The following PRKCH variants were observed in gnomAD, a reference collection of about 807,000 sequenced individuals.
The protein encoded by PRKCH is protein kinase C eta type.
Under a neutral mutation model 82.5 loss-of-function variants are expected in PRKCH, and 28 were observed. The ratio of observed to expected loss-of-function variants is 0.34; its 90% CI spans 0.25 to 0.47. The LOEUF is 0.47. Among genes scored for constraint, PRKCH ranks in the 20% least tolerant of loss-of-function variants. The pLI is 1.00. For synonymous variants in PRKCH, 322 were observed against 327.4 expected, an observed-to-expected ratio of 0.98 and a Z score of 0.18; for missense variants, 705 against 881.8, an observed-to-expected ratio of 0.80 and a Z score of 2.54.
chr14:61,536,041 C>T (rs186780381), intron 12 of PRKCH, among the ~76,000 whole-genome samples: 5 of 152,260 alleles, frequency 3.3e-5, no homozygotes, highest in African/African-American at 1.2e-4. Flanking sequence ...TCCATCTTCA[C>T]AAATGAAGGG....
At chr14:61,536,742 C>G (rs1218159216) in intron 12 of PRKCH, among the ~76,000 whole-genome samples, 1 of 152,096 alleles carries the variant, frequency 6.6e-6, no homozygotes, top group Non-Finnish European at 1.5e-5. Flanking sequence ...AGGGTGTGTA[C>G]TGTCCAGCAT....
At chr14:61,500,510 G>A (rs1290870422) in intron 10 of PRKCH, among the ~76,000 whole-genome samples, 1 of 152,046 alleles carries the variant, frequency 6.6e-6, no homozygotes, top group Non-Finnish European at 1.5e-5. Context: ...GTCTTTAACT[G>A]GATATTGTTG....
chr14:61,189,765 C>T (rs1028340413), intron 1 of PRKCH, among the ~76,000 whole-genome samples: 2 of 150,626 alleles, frequency 1.3e-5, no homozygotes, highest in Non-Finnish European at 2.9e-5. Context: ...CCTCTCTCAT[C>T]ACTCGCACTC....
intron 1 of PRKCH, among the ~76,000 whole-genome samples, chr14:61,387,785 G>C (rs1051116568): frequency 1.3e-5 from 2 of 152,214 alleles, no homozygotes; most frequent in Non-Finnish European, 2.9e-5. Flanking sequence ...AAAGTTGCAT[G>C]AAACAGTGCT....
rs1325382613 is a variant in PRKCH at position 61,485,568 on chromosome 14, C to T, written c.1345C>T (p.Arg449Cys). 6 of 1,614,116 alleles carry T rather than the reference C, an allele frequency of 3.7e-6. No homozygotes were observed. Among genetic ancestry groups the T allele is most frequent in the East Asian group, 2.2e-5 (1 of 44,878 alleles). The change falls in exon 10 of 14, where the codon CGT (arginine) becomes TGT (cysteine). Residue 449 changes from arginine to cysteine, a missense_variant. Physicochemically the swap from Arg to Cys is radical, Grantham distance 180. This residue lies in a region of PRKCH where 238 missense variants were observed against 258.1 expected (regional missense o/e 0.92). Transcript: ENST00000332981. ...GDLMFHIQKSRRFDEARARFY... is the reference protein window; with the variant it reads ...GDLMFHIQKSCRFDEARARFY... Reference sequence around the variant, plus strand: ...CTTGATGTTCCACATTCAGAAGTCTCGTCGTTTTGATGAAGCACGAGCTCG... The same window carrying T: ...CTTGATGTTCCACATTCAGAAGTCTTGTCGTTTTGATGAAGCACGAGCTCG...
chr14:61,418,947 G>A (rs1373929618), intron 2 of PRKCH, among the ~76,000 whole-genome samples: 1 of 152,108 alleles, frequency 6.6e-6, no homozygotes, highest in African/African-American at 2.4e-5. Context: ...CAACACCCGT[G>A]GCTTCCTATC....
chr14:61,198,110 A>G (rs1000565136), intron 1 of PRKCH, among the ~76,000 whole-genome samples: 2 of 152,150 alleles, frequency 1.3e-5, no homozygotes, highest in African/African-American at 2.4e-5. Flanking sequence ...TGAAGCATCT[A>G]TTGTCCATTT....
intron 10 of PRKCH, among the ~76,000 whole-genome samples, chr14:61,506,504 C>T (rs562736334): frequency 1.6e-4 from 24 of 152,202 alleles, no homozygotes; most frequent in African/African-American, 3.4e-4. Context: ...CCTGGACTCT[C>T]GCATGAGTTT....
chr14:61,369,670 T>C (rs113952031), intron 1 of PRKCH, among the ~76,000 whole-genome samples: 1,547 of 152,204 alleles, frequency 0.01, 47 homozygotes, highest in South Asian at 0.061. Flanking sequence ...TCAGTGTTCT[T>C]TTCTTGGACA....
At chr14:61,342,387 G>C (rs1020580755) in intron 1 of PRKCH, among the ~76,000 whole-genome samples, 1 of 152,164 alleles carries the variant, frequency 6.6e-6, no homozygotes, top group Non-Finnish European at 1.5e-5. Flanking sequence ...TCAGTGAGCA[G>C]CTGCTTAAAG....
intron 1 of PRKCH, among the ~76,000 whole-genome samples, chr14:61,370,242 C>T (rs990937326): frequency 2.0e-5 from 3 of 152,124 alleles, no homozygotes; most frequent in African/African-American, 7.3e-5. Flanking sequence ...CGCACCCGGC[C>T]ATGTGTGTTC....
chr14:61,196,019 A>G (rs2044439725), intron 1 of PRKCH, among the ~76,000 whole-genome samples: 1 of 152,262 alleles, frequency 6.6e-6, no homozygotes, highest in South Asian at 2.1e-4. Context: ...GTGCTGAAGT[A>G]GAAGAGGCAG....
intron 12 of PRKCH, among the ~76,000 whole-genome samples, chr14:61,530,823 C>G (rs1250039052): frequency 6.6e-6 from 1 of 152,200 alleles, no homozygotes; most frequent in Non-Finnish European, 1.5e-5. Flanking sequence ...ATTTCAATAG[C>G]CCTTGATAAC....
intron 2 of PRKCH, among the ~76,000 whole-genome samples, chr14:61,402,785 G>A (rs538497892): frequency 1.4e-4 from 21 of 151,166 alleles, no homozygotes; most frequent in Admixed American, 8.5e-4. Flanking sequence ...GTGACAGAGC[G>A]AAACTCTGTC....
In PRKCH at chr14:61,452,132, G is replaced by C. The variant is rs1350584122; in HGVS notation, c.833-1094G>C. On this transcript the variant is annotated intron_variant, in intron 6 of 13. Transcript: ENST00000332981. ...CTAGTGGCCTGAGGGTAGCACACCTGCAGCAATCCGGCTCTTGTGATTTTT... is the reference window on the plus strand; with the variant it reads ...CTAGTGGCCTGAGGGTAGCACACCTCCAGCAATCCGGCTCTTGTGATTTTT... 2.0e-5 allele frequency among the ~76,000 whole-genome samples: 3 copies of C among 152,146 alleles called. No homozygotes were observed. In the East Asian group the frequency reaches 5.8e-4, roughly 29 times the overall value.
chr14:61,397,745 AG>A (rs1217011103), intron 2 of PRKCH, among the ~76,000 whole-genome samples: 1 of 151,400 alleles, frequency 6.6e-6, no homozygotes, highest in East Asian at 1.9e-4. Flanking sequence ...AAGAAAGAAC[AG>A]AACACAAAAG....
chr14:61,533,992 T>TA (rs1025773020), intron 12 of PRKCH, among the ~76,000 whole-genome samples: 21 of 152,202 alleles, frequency 1.4e-4, no homozygotes, highest in African/African-American at 5.1e-4. Flanking sequence ...GAAGAAAACT[T>TA]AGAGATTGTC....
intron 1 of PRKCH, among the ~76,000 whole-genome samples, chr14:61,258,786 T>G (rs1467511369): frequency 6.6e-6 from 1 of 152,248 alleles, no homozygotes; most frequent in Non-Finnish European, 1.5e-5. Flanking sequence ...TTAAATTGCC[T>G]TAACTTTGCC....
intron 1 of PRKCH, among the ~76,000 whole-genome samples, chr14:61,208,705 TAAC>T (rs2044546386): frequency 2.0e-5 from 3 of 152,338 alleles, no homozygotes; most frequent in African/African-American, 4.8e-5. Flanking sequence ...CCCATATTTT[TAAC>T]AACGATTGAT....
Sources: gnomAD v4.1 joint callset for allele counts (sites outside exome capture counted in the v4.1 genomes callset) on GRCh38, gnomAD v4.1.1 for gene constraint, gnomAD v4.1.1 regional missense constraint, MANE v1.5 for transcripts, NCBI Gene and HGNC (gene_info 2026-07-23, HGNC 2026-07-21) for gene names.